Variants in CASK observed in about 807,000 individuals in gnomAD.
CASK encodes the protein calcium/calmodulin dependent serine protein kinase, also known as peripheral plasma membrane protein CASK.
Under a neutral mutation model 82.9 loss-of-function variants are expected in CASK, and 4 were observed. That is an observed-to-expected ratio of 0.05 (90% confidence interval 0.02 to 0.11). CASK has a LOEUF of 0.11. Ranked by LOEUF, CASK falls within the 10% of genes least tolerant of loss-of-function variation. The pLI is 1.00. For missense variants in CASK, 358 were observed against 720.9 expected, an observed-to-expected ratio of 0.50 and a Z score of 5.76; for synonymous variants, 259 against 253.5, an observed-to-expected ratio of 1.02 and a Z score of -0.20.
intron 22 of CASK, among the ~76,000 whole-genome samples, chrX:41,541,066 C>T (rs1391615202): frequency 8.9e-6 from 1 of 112,137 alleles, no homozygotes; most frequent in Non-Finnish European, 1.9e-5. Context: ...GAGATGCATA[C>T]ATTTCTCAAT....
At chrX:41,862,120 G>A (rs1204311250) in intron 1 of CASK, among the ~76,000 whole-genome samples, 3 of 109,397 alleles carry the variant, frequency 2.7e-5, no homozygotes, top group Non-Finnish European at 5.7e-5. Flanking sequence ...TATGACACAC[G>A]GACATCCTGG....
intron 17 of CASK, among the ~76,000 whole-genome samples, chrX:41,560,176 G>A (rs749090855): frequency 8.9e-6 from 1 of 112,488 alleles, no homozygotes; most frequent in South Asian, 3.7e-4. Context: ...TTAGACAATA[G>A]ACTAGGTAAT....
intron 2 of CASK, among the ~76,000 whole-genome samples, chrX:41,809,012 C>T (rs765107358): frequency 2.7e-4 from 30 of 112,370 alleles, no homozygotes; most frequent in Non-Finnish European, 3.4e-4. Context: ...AGTCTGAGAT[C>T]GAACTGCAAG....
rs550342592 is a variant in CASK at position 41,559,542 on chromosome X, A to C, written c.1737+237T>G. On this transcript the variant is annotated intron_variant, in intron 18 of 26. Transcript: ENST00000378163. ...ATGTCATCATTTGTAACTTCTCTAC[A>C]TTTTGCTCAGATTTCAGCCTGCAAA... 159 of 405,906 alleles carry C rather than the reference A, an allele frequency of 3.9e-4. 2 individuals are homozygous for C. In the South Asian group the frequency reaches 6.3e-3, roughly 16 times the overall value. 33.5% of individuals were successfully genotyped at this position (405,906 alleles called of 1,213,427 possible).
intron 1 of CASK, among the ~76,000 whole-genome samples, chrX:41,870,012 G>A (rs984481505): frequency 9.2e-6 from 1 of 108,690 alleles, no homozygotes; most frequent in Non-Finnish European, 1.9e-5. Context: ...AAGATTTAAT[G>A]TATGTCAACT....
chrX:41,626,137 G>A (rs1034432288), intron 10 of CASK, among the ~76,000 whole-genome samples: 1 of 109,259 alleles, frequency 9.2e-6, no homozygotes, highest in African/African-American at 3.3e-5. Context: ...AGAAGAACTT[G>A]GTAACTGTTT....
chrX:41,674,610 G>T (rs1241399245), intron 5 of CASK, among the ~76,000 whole-genome samples: 1 of 111,024 alleles, frequency 9.0e-6, no homozygotes, highest in African/African-American at 3.3e-5. Context: ...TTTTCAGGGT[G>T]GGGAGGAAGA....
chrX:41,590,767 G>A (rs1207389130), intron 12 of CASK, among the ~76,000 whole-genome samples: 5 of 110,111 alleles, frequency 4.5e-5, no homozygotes, highest in Non-Finnish European at 9.5e-5. Context: ...GGGGATTTTC[G>A]TGGTCGGTTT....
intron 12 of CASK, among the ~76,000 whole-genome samples, chrX:41,600,940 C>T: frequency 8.9e-6 from 1 of 111,757 alleles, no homozygotes; most frequent in South Asian, 3.7e-4. Context: ...AATTCTAACA[C>T]ATGCTACAAC....
intron 3 of CASK, among the ~76,000 whole-genome samples, chrX:41,769,650 A>G (rs2069182862): frequency 9.0e-6 from 1 of 111,141 alleles, no homozygotes; most frequent in Non-Finnish European, 1.9e-5. Context: ...AGAAGCAGCA[A>G]ATAAAAATCC....
At chrX:41,544,579 A>C (rs1002963400) in intron 21 of CASK, among the ~76,000 whole-genome samples, 22 of 108,597 alleles carry the variant, frequency 2.0e-4, no homozygotes, top group African/African-American at 3.0e-4. Flanking sequence ...AAAAAAAAAA[A>C]AAAAAAACAA....
At chrX:41,845,639 G>A (rs757191589) in intron 2 of CASK, among the ~76,000 whole-genome samples, 20 of 111,492 alleles carry the variant, frequency 1.8e-4, no homozygotes, top group Non-Finnish European at 3.2e-4. Context: ...AACGACATGA[G>A]ATACCATCTC....
intron 16 of CASK, among the ~76,000 whole-genome samples, chrX:41,567,358 C>G (rs1357450045): frequency 8.9e-5 from 10 of 111,937 alleles, no homozygotes; most frequent in Non-Finnish European, 1.7e-4. Flanking sequence ...GGGCTAATAT[C>G]CAGAATCTAC....
chrX:41,777,744 T>C (rs1380074997), intron 3 of CASK, among the ~76,000 whole-genome samples: 1 of 111,418 alleles, frequency 9.0e-6, no homozygotes, highest in Non-Finnish European at 1.9e-5. Context: ...CTTTAAGTTG[T>C]ATATTTATGT....
intron 11 of CASK, among the ~76,000 whole-genome samples, chrX:41,611,540 T>C (rs917349133): frequency 2.7e-5 from 3 of 110,883 alleles, no homozygotes; most frequent in South Asian, 7.6e-4. Flanking sequence ...ATGAAAATTG[T>C]TTTTGAAGAA....
At chrX:41,701,722 G>A (rs1470191489) in intron 5 of CASK, among the ~76,000 whole-genome samples, 2 of 111,802 alleles carry the variant, frequency 1.8e-5, no homozygotes, top group African/African-American at 3.3e-5. Flanking sequence ...AAGTTTGTTC[G>A]AAACTTCTAT....
intron 15 of CASK, among the ~76,000 whole-genome samples, chrX:41,572,812 G>A (rs1357638943): frequency 2.7e-5 from 3 of 111,269 alleles, no homozygotes; most frequent in Admixed American, 9.6e-5. Context: ...ATCTGTTATC[G>A]TTTTCCTTCT....
intron 1 of CASK, among the ~76,000 whole-genome samples, chrX:41,881,065 CT>C (rs752126742): frequency 8.9e-6 from 1 of 111,795 alleles, no homozygotes; most frequent in Non-Finnish European, 1.9e-5. Flanking sequence ...CCCCCAATGC[CT>C]TTGTGTAAAC....
At chrX:41,813,136 GAATC>G (rs1237291374) in intron 2 of CASK, among the ~76,000 whole-genome samples, 13 of 111,628 alleles carry the variant, frequency 1.2e-4, no homozygotes. Context: ...TGGATAGGAA[GAATC>G]AATATCGTGA....
Sources: gnomAD v4.1 joint callset for allele counts (sites outside exome capture counted in the v4.1 genomes callset) on GRCh38, gnomAD v4.1.1 for gene constraint, MANE v1.5 for transcripts, NCBI Gene and HGNC (gene_info 2026-07-23, HGNC 2026-07-21) for gene names.